The following GSDMA variants were observed in gnomAD, a reference collection of about 807,000 sequenced individuals.
GSDMA encodes gasdermin-A.
GSDMA carries 55 observed loss-of-function variants against 54.3 expected under a neutral mutation model. The observed-to-expected ratio is 1.01, with a 90% CI of 0.82 to 1.27. The LOEUF (loss-of-function observed/expected upper bound fraction) is 1.27. GSDMA is among the 50% of genes most tolerant of loss of function. GSDMA has a pLI of 0.00. For synonymous variants in GSDMA, 211 were observed against 224.7 expected (o/e 0.94, Z 0.54); for missense variants, 542 against 542.6 (o/e 1.00, Z 0.01).
Position 39,974,934 on chromosome 17 carries a change from C to A in GSDMA, c.941C>A (p.Thr314Asn), listed in dbSNP as rs56030650. 0.45 allele frequency: 716,544 copies of A among 1,606,720 alleles called. 162,879 individuals carry two copies. Among genetic ancestry groups the A allele is most frequent in the East Asian group, 0.5 (22,591 of 44,768 alleles). ...GCTCTAGACAAGGGACATGAAGTGA[C>A]CCTGGAGGCACTCCCAAAAGATGTC... ...EGALDKGHEVTLEALPKDVLL... is the reference protein window; with the variant it reads ...EGALDKGHEVNLEALPKDVLL... Residue 314 changes from threonine (T) to asparagine (N), a missense_variant, in exon 10 of 12, where the codon ACC (threonine) becomes AAC (asparagine). Coordinates refer to ENST00000301659, the MANE Select transcript of GSDMA (RefSeq NM_178171.5).
chr17:39,975,773 C>T, intron 10 of GSDMA, 151 bp from the exon 11 acceptor site: 1 of 519,278 alleles, frequency 1.9e-6, no homozygotes, highest in Non-Finnish European at 3.4e-6. Context: ...GACTCCAAGA[C>T]CAAAGTGGAC....
rs1359201009 is a variant in GSDMA at position 39,977,688 on chromosome 17, A to G, written c.*630A>G. The G allele has an allele frequency of 6.6e-6, 1 of 152,226 alleles. No individual in the cohort carries two copies. The highest frequency in any genetic ancestry group is 2.4e-5 in the African/African-American group (1 of 41,408). 9.4% of individuals were successfully genotyped at this position (152,226 alleles called of 1,614,324 possible). ...AAAAAAGAAGATTAATTAATTTCCT[A>G]TCCTAATCCCTCCTACTTATACTTC... On this transcript the variant is annotated 3_prime_UTR_variant, in exon 12 of 12. Transcript: ENST00000301659.
intron 3 of GSDMA, among the ~76,000 whole-genome samples, chr17:39,969,335 G>A (rs1423260102): frequency 7.0e-6 from 1 of 142,960 alleles, no homozygotes; most frequent in Non-Finnish European, 1.5e-5. Flanking sequence ...GGGCAACAGA[G>A]TGGGACCTTA....
chr17:39,965,154 C>T (rs1271879399), intron 1 of GSDMA, among the ~76,000 whole-genome samples: 6 of 131,628 alleles, frequency 4.6e-5, no homozygotes, highest in African/African-American at 1.2e-4. Flanking sequence ...CAAGGAAAGG[C>T]GAGGTGGAGG....
chr17:39,972,183 G>A lies in GSDMA; in HGVS notation c.703+7G>A. The A allele has an allele frequency of 6.3e-7, 1 of 1,581,980 alleles. No individual in the cohort carries two copies. The highest frequency in any genetic ancestry group is 8.6e-7 in the Non-Finnish European group (1 of 1,158,490). On this transcript the variant is annotated splice_region_variant and intron_variant, in intron 6 of 11. Transcript: ENST00000301659. ...CAAACCTTCCCTCCTGGAGGTAAGT[G>A]AAATTGCTTACGGGCTTCCCACATC...
intron 3 of GSDMA, 125 bp from the exon 4 acceptor site, chr17:39,970,357 C>A: frequency 1.1e-6 from 1 of 874,950 alleles, no homozygotes; most frequent in Non-Finnish European, 1.6e-6. Context: ...AGCCCTAGTC[C>A]AGAGTCCTCA....
intron 11 of GSDMA, 126 bp from the exon 12 acceptor site, chr17:39,976,690 G>T: frequency 7.9e-7 from 1 of 1,260,500 alleles, no homozygotes; most frequent in Non-Finnish European, 1.1e-6. Context: ...ACCCAGATGG[G>T]GTTGTAATGT....
intron 2 of GSDMA, 139 bp from the exon 3 acceptor site, chr17:39,966,121 C>A (rs1979649228): frequency 3.2e-6 from 3 of 926,428 alleles, no homozygotes; most frequent in Non-Finnish European, 5.0e-6. Context: ...GAGATGGGTT[C>A]TTGCTTTGTT....
intron 3 of GSDMA, among the ~76,000 whole-genome samples, chr17:39,968,377 T>G (rs60725845): frequency 0.43 from 56,158 of 129,310 alleles, 12,674 homozygotes; most frequent in East Asian, 0.54. Context: ...AGACGGAGTC[T>G]CTCTCTGTTG....
In GSDMA at chr17:39,975,985, G is replaced by A; in HGVS notation, c.1083G>A (p.Val361=). The change falls in exon 11 of 12, where the codon GTG becomes GTA. Residue 361 remains valine (V), a synonymous_variant. Coordinates refer to ENST00000301659, the MANE Select transcript of GSDMA (RefSeq NM_178171.5). ...CCATGGAGAAAAAGATCCTACCCGT[G>A]CAGCTAAAGCTGGTGAGGGAAAAAC... ...VKSMEKKILP[V]QLKLVESTME... is the part of the protein sequence containing the mutation. 5 of 1,593,942 alleles carry A rather than the reference G, an allele frequency of 3.1e-6. No individual in the cohort carries two copies. Among genetic ancestry groups the A allele is most frequent in the Non-Finnish European group, 4.3e-6 (5 of 1,169,928 alleles).
rs376644092 is a variant in GSDMA, at chr17:39,966,415, G to A, written c.370G>A (p.Ala124Thr). ...EVQTLSVAPK[A>T]LETVQERKLA... ...CCAGACACTCAGTGTGGCTCCCAAG[G>A]CCCTGGAGACCGTGCAGGAGAGGTG... The change falls in exon 3 of 12, where the codon GCC (alanine) becomes ACC (threonine). Residue 124 changes from alanine to threonine, a missense_variant. By Grantham distance (58) the Ala-to-Thr change is moderately conservative. Transcript: ENST00000301659. 6.2e-7 allele frequency: 1 copy of A among 1,611,100 alleles called. No individual in the cohort carries two copies. The highest frequency in any genetic ancestry group is 8.5e-7 in the Non-Finnish European group (1 of 1,178,970).
In GSDMA at chr17:39,974,278, G is replaced by A. The variant is rs200722398; in HGVS notation, c.757G>A (p.Val253Ile). The A allele has an allele frequency of 5.8e-4, 940 of 1,609,620 alleles. 16 individuals are homozygous for A. The South Asian group carries it at 8.3e-3, about 14-fold the overall frequency. Residue 253 changes from valine to isoleucine, a missense_variant, in exon 9 of 12, where the codon GTA (valine) becomes ATA (isoleucine). Coordinates refer to ENST00000301659, the MANE Select transcript of GSDMA (RefSeq NM_178171.5). Reference protein sequence around the residue: ...ILIQASDVGDVHEGFRTLKEE... With the variant: ...ILIQASDVGDIHEGFRTLKEE... The stretch of plus-strand genomic sequence containing the variant: ...TCCCATTATTGTCCCCATAGGGGAC[G>A]TACACGAAGGCTTCAGGACACTAAA...
chr17:39,975,857 C>A, intron 10 of GSDMA, 67 bp from the exon 11 acceptor site: 2 of 1,150,136 alleles, frequency 1.7e-6, no homozygotes, highest in South Asian at 1.4e-5. Context: ...TCTGGAAGTG[C>A]GCTATTTGGA....
rs1979635427 is a variant in GSDMA, at chr17:39,965,903, T to G, written c.214+2T>G. 9.7e-6 allele frequency: 15 copies of G among 1,551,776 alleles called. No homozygotes were observed. Among genetic ancestry groups the G allele is most frequent in the Non-Finnish European group, 1.3e-5 (15 of 1,147,614 alleles). On this transcript the variant is annotated splice_donor_variant, in intron 2 of 11. Coordinates refer to ENST00000301659, the MANE Select transcript of GSDMA (RefSeq NM_178171.5). LOFTEE classifies it high-confidence loss of function. ...TTGAGCCCGGCAGCTCACCTTCAGG[T>G]CAGCCTCAAGCGGGGCTGGGAACTG...
At position 39,976,832 on chromosome 17, in the gene GSDMA, A is replaced by T. The variant is rs189509068; in HGVS notation, c.1112A>T (p.Glu371Val). Residue 371 changes from glutamate to valine, a missense_variant, in exon 12 of 12, where the codon GAA becomes GTA. Physicochemically the swap from Glu to Val is moderately radical, Grantham distance 121. Transcript: ENST00000301659. ...TCCCTCCAGGTGGAGAGCACGATGG[A>T]ACAGAACTTCCTGCTGGATAAAGAG... ...VQLKLVESTM[E>V]QNFLLDKEGV... The T allele has an allele frequency of 1.2e-6, 2 of 1,613,884 alleles. No homozygotes were observed. The highest frequency in any genetic ancestry group is 2.7e-5 in the African/African-American group (2 of 74,984).
chr17:39,966,338 C>CGGTGAA lies in GSDMA; in HGVS notation c.302_307dup (p.Val101_Lys102dup). The CGGTGAA allele has an allele frequency of 1.9e-6, 3 of 1,613,808 alleles. No homozygotes were observed. Among genetic ancestry groups the CGGTGAA allele is most frequent in the Non-Finnish European group, 2.5e-6 (3 of 1,179,828 alleles). ...GAGGGAGATGTGGATGTACCAAAGACGGTGAAGGTGAAGGGAACGGCAGGG... is the reference window on the plus strand; with the variant it reads ...GAGGGAGATGTGGATGTACCAAAGACGGTGAAGGTGAAGGTGAAGGGAACGGCAGGG... On this transcript the variant is annotated inframe_insertion, in exon 3 of 12. Coordinates refer to ENST00000301659, the MANE Select transcript of GSDMA (RefSeq NM_178171.5).
At chr17:39,974,228 A>G (rs767642424) in intron 8 of GSDMA, 45 bp from the exon 9 acceptor site, 2 of 1,557,422 alleles carry the variant, frequency 1.3e-6, no homozygotes, top group Non-Finnish European at 1.7e-6. Context: ...ACTGGAGAGG[A>G]AGGTGCCCGA....
chr17:39,969,255 C>A (rs1482984781), intron 3 of GSDMA, among the ~76,000 whole-genome samples: 1 of 150,384 alleles, frequency 6.6e-6, no homozygotes, highest in Non-Finnish European at 1.5e-5. Context: ...GAGGTTGAGG[C>A]AAGGGGATCA....
At chr17:39,965,135 A>C (rs952942155) in intron 1 of GSDMA, among the ~76,000 whole-genome samples, 1 of 151,248 alleles carries the variant, frequency 6.6e-6, no homozygotes, top group Non-Finnish European at 1.5e-5. Flanking sequence ...AAAAGAGAAG[A>C]AAGCAAAGCA....
Sources: allele counts gnomAD v4.1 joint callset (sites outside exome capture counted in the v4.1 genomes callset), GRCh38; gene constraint gnomAD v4.1.1; transcripts MANE v1.5; gene names NCBI Gene and HGNC (gene_info 2026-07-23, HGNC 2026-07-21).